The following ACSF3 variants were observed in gnomAD, a reference collection of about 807,000 sequenced individuals.
ACSF3 encodes acyl-CoA synthetase family member 3.
Under a neutral mutation model 53.2 loss-of-function variants are expected in ACSF3, and 78 were observed. The observed-to-expected ratio is 1.47, with a 90% CI of 1.22 to 1.77. The LOEUF (loss-of-function observed/expected upper bound fraction) is 1.77. Ranked by LOEUF, ACSF3 falls within the 40% of genes most tolerant of loss-of-function variation. The pLI is 0.00. For synonymous variants in ACSF3, 414 were observed against 333.1 expected (o/e 1.24, Z -2.65); for missense variants, 937 against 771.1 (o/e 1.22, Z -2.55).
At chr16:89,116,514 G>A (rs1036192675) in intron 6 of ACSF3, among the ~76,000 whole-genome samples, 5 of 152,172 alleles carry the variant, frequency 3.3e-5, no homozygotes, top group African/African-American at 1.2e-4. Context: ...CATGGGGGCT[G>A]TTAAGTGTAT....
rs538638939 is a variant in ACSF3, at chr16:89,142,965, C to T, written c.1367-2302C>T. The stretch of plus-strand genomic sequence containing the variant: ...GTTTGTTCTTTAACAAGTTATTGCG[C>T]GATCATAATCCATTGCCGACGTTGG... On this transcript the variant is annotated intron_variant, in intron 8 of 10. Coordinates refer to ENST00000614302, the MANE Select transcript of ACSF3 (RefSeq NM_001243279.3). Among the ~76,000 whole-genome samples the T allele has an allele frequency of 1.1e-4, 17 of 152,342 alleles. No homozygotes were observed. The South Asian group carries it at 2.3e-3, about 20-fold the overall frequency.
rs374608817 is a variant in ACSF3, at chr16:89,155,568, A to G, written c.*1361A>G. 4.4e-6 allele frequency: 2 copies of G among 453,958 alleles called. No individual in the cohort carries two copies. Among genetic ancestry groups the G allele is most frequent in the East Asian group, 6.9e-5 (1 of 14,396 alleles). The allele number at this position is 453,958 out of a possible 1,614,324, so 28.1% of individuals were successfully genotyped here. A position where few individuals can be genotyped will look rare whatever the true frequency, so the allele number is the denominator to read the frequency against. Reference sequence around the variant, plus strand: ...CCTGCCTCACGGTGTGGCCTTGTGCATCCCCATGGCCTGACCCCGGGAACA... The same window carrying G: ...CCTGCCTCACGGTGTGGCCTTGTGCGTCCCCATGGCCTGACCCCGGGAACA... On this transcript the variant is annotated 3_prime_UTR_variant, in exon 11 of 11. Coordinates refer to ENST00000614302, the MANE Select transcript of ACSF3 (RefSeq NM_001243279.3).
intron 8 of ACSF3, chr16:89,136,428 C>G: frequency 9.9e-7 from 1 of 1,008,622 alleles, no homozygotes; most frequent in South Asian, 1.6e-5. Context: ...TTGTCACAGG[C>G]CATTAGCGAT....
In ACSF3 at chr16:89,155,554, G is replaced by A; in HGVS notation, c.*1347G>A. On this transcript the variant is annotated 3_prime_UTR_variant, in exon 11 of 11. Coordinates refer to ENST00000614302, the MANE Select transcript of ACSF3 (RefSeq NM_001243279.3). ...GCCCCACCCGAACTCCTGCCTCACGGTGTGGCCTTGTGCATCCCCATGGCC... is the reference window on the plus strand; with the variant it reads ...GCCCCACCCGAACTCCTGCCTCACGATGTGGCCTTGTGCATCCCCATGGCC... 2.2e-6 allele frequency: 1 copy of A among 454,148 alleles called. No individual in the cohort carries two copies. The highest frequency in any genetic ancestry group is 4.4e-6 in the Non-Finnish European group (1 of 226,804). The allele number at this position is 454,148 out of a possible 1,614,324, so 28.1% of individuals were successfully genotyped here.
intron 7 of ACSF3, among the ~76,000 whole-genome samples, chr16:89,128,314 G>A (rs1193916715): frequency 6.6e-6 from 1 of 150,938 alleles, no homozygotes; most frequent in Non-Finnish European, 1.5e-5. Context: ...AGGCTGGAGT[G>A]CAATGGCATG....
intron 5 of ACSF3, 150 bp downstream of exon 5, chr16:89,112,396 C>A: frequency 9.9e-7 from 1 of 1,005,966 alleles, no homozygotes; most frequent in Non-Finnish European, 1.5e-6. Context: ...GTCTCCGTCT[C>A]TACCTCTCTA....
chr16:89,141,934 G>C (rs1339703958), intron 8 of ACSF3, among the ~76,000 whole-genome samples: 1 of 152,236 alleles, frequency 6.6e-6, no homozygotes, highest in East Asian at 1.9e-4. Context: ...CCATCACAGA[G>C]ACAGGTCTCA....
intron 8 of ACSF3, among the ~76,000 whole-genome samples, chr16:89,142,900 G>A (rs1912138553): frequency 6.6e-6 from 1 of 152,238 alleles, no homozygotes; most frequent in South Asian, 2.1e-4. Context: ...CTCCTGTGAA[G>A]GGCACTCATT....
At chr16:89,137,913 C>T (rs188412197) in intron 8 of ACSF3, among the ~76,000 whole-genome samples, 79 of 152,310 alleles carry the variant, frequency 5.2e-4, no homozygotes, top group Non-Finnish European at 6.3e-4. Context: ...AGCAAGAGTC[C>T]GCTGCTTCCA....
intron 1 of ACSF3, 84 bp from the exon 2 acceptor site, chr16:89,098,507 T>G: frequency 2.7e-6 from 1 of 370,948 alleles, no homozygotes; most frequent in South Asian, 2.0e-5. Context: ...CATGCTTCCC[T>G]TCCCCCATTG....
chr16:89,151,396 C>T (rs1914061561), intron 10 of ACSF3: 2 of 361,210 alleles, frequency 5.5e-6, no homozygotes, highest in East Asian at 7.4e-5. Context: ...CCTAACTCCC[C>T]GTATGGGACC....
intron 10 of ACSF3, among the ~76,000 whole-genome samples, chr16:89,146,563 G>T (rs1232805419): frequency 2.0e-5 from 3 of 152,198 alleles, no homozygotes; most frequent in Admixed American, 6.5e-5. Context: ...TGCCCTGGGG[G>T]TGGGTCCTGA....
chr16:89,098,523 T>C (rs1489036895), intron 1 of ACSF3, 68 bp from the exon 2 acceptor site: 1 of 391,610 alleles, frequency 2.6e-6, no homozygotes, highest in African/African-American at 2.1e-5. Flanking sequence ...CATTGAGTGT[T>C]GAGTGTTGTG....
rs1392744456 is a variant in ACSF3, at chr16:89,100,999, C to T, written c.318C>T (p.Ala106=). 3.1e-6 allele frequency: 5 copies of T among 1,613,636 alleles called. No homozygotes were observed. The highest frequency in any genetic ancestry group is 3.4e-6 in the Non-Finnish European group (4 of 1,179,754). Residue 106 remains alanine, a synonymous_variant, in exon 3 of 11, where the codon GCC becomes GCT. Transcript: ENST00000614302. The part of the protein sequence containing the change: ...ERVSFLCAND[A]SYVVAQWASW... Reference sequence around the variant, plus strand: ...TCTCCTTCCTATGCGCTAACGATGCCTCCTACGTCGTGGCCCAGTGGGCGT... The same window carrying T: ...TCTCCTTCCTATGCGCTAACGATGCTTCCTACGTCGTGGCCCAGTGGGCGT...
intron 10 of ACSF3, 44 bp downstream of exon 10, chr16:89,146,093 G>T (rs1328800082): frequency 3.4e-6 from 5 of 1,470,286 alleles, no homozygotes; most frequent in Non-Finnish European, 4.7e-6. Context: ...TGGGGTCTTG[G>T]GGGTCCAGTC....
chr16:89,129,762 A>G (rs1908895941), intron 7 of ACSF3, among the ~76,000 whole-genome samples: 1 of 152,198 alleles, frequency 6.6e-6, no homozygotes, highest in Non-Finnish European at 1.5e-5. Context: ...TTTTGACCAT[A>G]AATGTCTTTG....
chr16:89,102,824 G>C, intron 4 of ACSF3, 65 bp downstream of exon 4: 1 of 1,590,340 alleles, frequency 6.3e-7, no homozygotes, highest in Non-Finnish European at 8.5e-7. Context: ...GTCGGGGCCA[G>C]GGCTCTCAGC....
rs140328142 is a variant in ACSF3 at position 89,154,149 on chromosome 16, G to A, written c.1673G>A (p.Arg558Gln). ...CTGGTGCTGGTGGAGGAGATCCCGC[G>A]GAACCAGATGGGCAAGATTGACAAG... is the stretch of plus-strand genomic sequence containing the variant. ...SELVLVEEIPRNQMGKIDKKA... is the reference protein window; with the variant it reads ...SELVLVEEIPQNQMGKIDKKA... Residue 558 changes from arginine (R) to glutamine (Q), a missense_variant, in exon 11 of 11, where the codon CGG (arginine) becomes CAG (glutamine). Physicochemically the swap from Arg to Gln is conservative, Grantham distance 43. Coordinates refer to ENST00000614302, the MANE Select transcript of ACSF3 (RefSeq NM_001243279.3). The A allele has an allele frequency of 3.7e-5, 60 of 1,613,310 alleles. No individual in the cohort carries two copies. The highest frequency in any genetic ancestry group is 2.7e-4 in the African/African-American group (20 of 74,988).
Position 89,136,438 on chromosome 16 carries a change from T to C in ACSF3, c.1366+3176T>C, listed in dbSNP as rs1597203822. The C allele has an allele frequency of 2.7e-6, 3 of 1,093,862 alleles. No individual in the cohort carries two copies. The East Asian group carries it at 1.8e-4, about 66-fold the overall frequency. 67.8% of individuals were successfully genotyped at this position (1,093,862 alleles called of 1,614,324 possible). A position where few individuals can be genotyped will look rare whatever the true frequency, so the allele number is the denominator to read the frequency against. On this transcript the variant is annotated intron_variant, in intron 8 of 10. Coordinates refer to ENST00000614302, the MANE Select transcript of ACSF3 (RefSeq NM_001243279.3). Reference sequence around the variant, plus strand: ...TGTCTTTGTCACAGGCCATTAGCGATGCTGCTGCATAATGAGAGCCTGCAA... The same window carrying C: ...TGTCTTTGTCACAGGCCATTAGCGACGCTGCTGCATAATGAGAGCCTGCAA...
Sources: allele counts gnomAD v4.1 joint callset (sites outside exome capture counted in the v4.1 genomes callset), GRCh38; gene constraint gnomAD v4.1.1; transcripts MANE v1.5; gene names NCBI Gene and HGNC (gene_info 2026-07-23, HGNC 2026-07-21).